The following UTP18 variants were observed in gnomAD, a reference collection of about 807,000 sequenced individuals.
The protein encoded by UTP18 is U3 small nucleolar RNA-associated protein 18 homolog.
Under a neutral mutation model 61.1 loss-of-function variants are expected in UTP18, and 36 were observed. That is an observed-to-expected ratio of 0.59 (90% CI 0.45 to 0.78). The LOEUF is 0.78. Among genes scored for constraint, UTP18 ranks in the 30% least tolerant of loss-of-function variants. The pLI is 0.00. For missense variants in UTP18, 753 were observed against 693.9 expected (o/e 1.09, Z -0.96); for synonymous variants, 282 against 251.1 (o/e 1.12, Z -1.16).
intron 4 of UTP18, 25 bp from the exon 5 acceptor site, chr17:51,273,337 A>G: frequency 6.3e-7 from 1 of 1,575,644 alleles, no homozygotes; most frequent in Non-Finnish European, 8.6e-7. Flanking sequence ...TCTAAAGATC[A>G]GCCTTCTGGG....
intron 9 of UTP18, 81 bp downstream of exon 9, chr17:51,280,560 T>A: frequency 7.4e-7 from 1 of 1,359,260 alleles, no homozygotes; most frequent in South Asian, 1.2e-5. Context: ...ACGTGTGTAA[T>A]CCCACCACTT....
rs1157509724 is a variant in UTP18 at position 51,285,039 on chromosome 17, C to T, written c.1205-206C>T. Among the ~76,000 whole-genome samples the T allele has an allele frequency of 4.1e-5, 6 of 146,146 alleles. No individual in the cohort carries two copies. The Admixed American group carries it at 4.2e-4, about 10-fold the overall frequency. On this transcript the variant is annotated intron_variant, in intron 9 of 13. Transcript: ENST00000225298. ...TGGCGCAGTTACACTCCAGCCTGGG[C>T]GACAAGAGAAAAACTGCATCTCAAA...
intron 9 of UTP18, among the ~76,000 whole-genome samples, chr17:51,284,918 A>G (rs1382332684): frequency 2.0e-5 from 3 of 152,026 alleles, no homozygotes; most frequent in Admixed American, 6.6e-5. Context: ...AAAATTAACT[A>G]CGCATGGTGG....
chr17:51,277,990 C>G (rs1904787563), intron 7 of UTP18, among the ~76,000 whole-genome samples: 1 of 152,158 alleles, frequency 6.6e-6, no homozygotes, highest in Non-Finnish European at 1.5e-5. Context: ...GGTGCTCTCC[C>G]TATTAAACTG....
At chr17:51,294,188 GTTATTTTATT>G (rs1049086988) in intron 12 of UTP18, 143 bp downstream of exon 12, 1 of 617,414 alleles carries the variant, frequency 1.6e-6, no homozygotes, top group South Asian at 6.0e-5. Context: ...CTTACTTTGG[GTTATTTTATT>G]TTATTTTATT....
rs1451908252 is a variant in UTP18, at chr17:51,260,738, G to T, written c.154G>T (p.Ala52Ser). The change falls in exon 1 of 14, where the codon GCC becomes TCC. Residue 52 changes from alanine (A) to serine (S), a missense_variant. Coordinates refer to ENST00000225298, the MANE Select transcript of UTP18 (RefSeq NM_016001.3). ...PAPSSQRKPP[A>S]RPSAAAAAIA... Reference sequence around the variant, plus strand: ...CCCTTCATCCCAGCGGAAACCGCCGGCCCGGCCGAGCGCGGCGGCCGCTGC... The same window carrying T: ...CCCTTCATCCCAGCGGAAACCGCCGTCCCGGCCGAGCGCGGCGGCCGCTGC... 2 of 1,587,882 alleles carry T rather than the reference G, an allele frequency of 1.3e-6. No homozygotes were observed.
intron 10 of UTP18, among the ~76,000 whole-genome samples, chr17:51,287,468 C>T (rs1398117989): frequency 1.3e-5 from 2 of 152,074 alleles, no homozygotes. Flanking sequence ...TTGATAAGTG[C>T]TTAGAAGATG....
At chr17:51,294,130 A>G (rs1567707932) in intron 12 of UTP18, 85 bp downstream of exon 12, 1 of 1,161,006 alleles carries the variant, frequency 8.6e-7, no homozygotes, top group Non-Finnish European at 1.1e-6. Flanking sequence ...TCCTAATTCT[A>G]CAGTTAATAA....
chr17:51,295,412 A>C (rs954202194), intron 12 of UTP18, among the ~76,000 whole-genome samples: 15 of 152,160 alleles, frequency 9.9e-5, no homozygotes, highest in African/African-American at 1.7e-4. Context: ...TCAGCTTTCT[A>C]CATATGGCTA....
intron 10 of UTP18, chr17:51,286,467 C>T (rs1379335258): frequency 2.2e-6 from 1 of 456,220 alleles, no homozygotes; most frequent in Non-Finnish European, 4.4e-6. Context: ...ACTCTTTGTT[C>T]ACTCTCTCCT....
At chr17:51,264,615 C>T (rs1421337098) in intron 2 of UTP18, among the ~76,000 whole-genome samples, 1 of 149,518 alleles carries the variant, frequency 6.7e-6, no homozygotes, top group African/African-American at 2.5e-5. Context: ...TTTCCAGACT[C>T]TGTCAGTTTG....
intron 2 of UTP18, 83 bp downstream of exon 2, chr17:51,263,469 A>G (rs996643211): frequency 9.6e-7 from 1 of 1,046,504 alleles, no homozygotes; most frequent in African/African-American, 1.6e-5. Flanking sequence ...TCTTTTTACC[A>G]ATTTGTGATT....
chr17:51,288,782 G>C (rs1337845428), intron 11 of UTP18, among the ~76,000 whole-genome samples: 2 of 152,182 alleles, frequency 1.3e-5, no homozygotes, highest in Admixed American at 6.5e-5. Context: ...CAGTGGAAAG[G>C]ATACAAAGCA....
rs188335306 is a variant in UTP18 at position 51,268,048 on chromosome 17, C to T, written c.555-789C>T. On this transcript the variant is annotated intron_variant, in intron 3 of 13. Coordinates refer to ENST00000225298, the MANE Select transcript of UTP18 (RefSeq NM_016001.3). ...TTTTTGAGATGGAGCCTGGCTCTGTCGCCCAGGCTGGAGTGCAGCGGCGTG... is the reference window on the plus strand; with the variant it reads ...TTTTTGAGATGGAGCCTGGCTCTGTTGCCCAGGCTGGAGTGCAGCGGCGTG... Among the ~76,000 whole-genome samples, 8 of 135,346 alleles carry T rather than the reference C, an allele frequency of 5.9e-5. No individual in the cohort carries two copies. In the East Asian group the frequency reaches 6.6e-4, roughly 11 times the overall value. 88.8% of individuals were successfully genotyped at this position (135,346 alleles called of 152,430 possible). A position where few individuals can be genotyped will look rare whatever the true frequency, so the allele number is the denominator to read the frequency against.
chr17:51,272,148 G>T (rs1194655440), intron 4 of UTP18, among the ~76,000 whole-genome samples: 1 of 151,886 alleles, frequency 6.6e-6, no homozygotes, highest in African/African-American at 2.4e-5. Context: ...GCCCAGGCTG[G>T]AGTGCAGTGG....
At chr17:51,263,680 C>T (rs777350560) in intron 2 of UTP18, among the ~76,000 whole-genome samples, 5 of 152,104 alleles carry the variant, frequency 3.3e-5, no homozygotes, top group African/African-American at 4.8e-5. Context: ...TCTAATTGAC[C>T]ATGGGCAGTT....
intron 9 of UTP18, among the ~76,000 whole-genome samples, chr17:51,281,894 T>G (rs1047246476): frequency 2.0e-5 from 3 of 152,260 alleles, no homozygotes; most frequent in African/African-American, 7.2e-5. Context: ...ACTTTCTTTT[T>G]GAAAGTTACT....
chr17:51,267,995 T>G (rs557596779), intron 3 of UTP18, among the ~76,000 whole-genome samples: 1 of 143,460 alleles, frequency 7.0e-6, no homozygotes, highest in Non-Finnish European at 1.5e-5. Context: ...AGTTGTTGTT[T>G]TTTTGTTTTT....
intron 11 of UTP18, among the ~76,000 whole-genome samples, chr17:51,293,448 G>A (rs559655420): frequency 2.0e-5 from 3 of 152,002 alleles, no homozygotes; most frequent in Admixed American, 6.6e-5. Flanking sequence ...GGCGCAGGAC[G>A]GTTTGATTGT....
Sources: allele counts gnomAD v4.1 joint callset (sites outside exome capture counted in the v4.1 genomes callset), GRCh38; gene constraint gnomAD v4.1.1; transcripts MANE v1.5; gene names NCBI Gene and HGNC (gene_info 2026-07-23, HGNC 2026-07-21).